PTPRD: variants seen among roughly 807,000 people sequenced by gnomAD.
PTPRD encodes receptor-type tyrosine-protein phosphatase delta.
A neutral mutation model predicts 214.5 loss-of-function variants in PTPRD; 34 were observed. The observed-to-expected ratio is 0.16, with a 90% confidence interval of 0.12 to 0.21. PTPRD has a LOEUF of 0.21. Among genes scored for constraint, PTPRD ranks in the 10% least tolerant of loss-of-function variants. The probability of loss-of-function intolerance (pLI) is 1.00; values close to 1 mark genes in which losing one functional copy is unlikely to be tolerated. For missense variants in PTPRD, 2,545 were observed against 2,398.7 expected, an observed-to-expected ratio of 1.06 and a Z score of -1.27; for synonymous variants, 1,128 against 845.7, an observed-to-expected ratio of 1.33 and a Z score of -5.79.
intron 14 of PTPRD, among the ~76,000 whole-genome samples, chr9:8,568,976 A>G (rs2090279711): frequency 6.6e-6 from 1 of 152,124 alleles, no homozygotes; most frequent in African/African-American, 2.4e-5. Flanking sequence ...ATATAGAAAT[A>G]TGCTTCCCAA....
At chr9:10,524,240 A>G (rs1358838762) in intron 2 of PTPRD, among the ~76,000 whole-genome samples, 1 of 152,084 alleles carries the variant, frequency 6.6e-6, no homozygotes, top group East Asian at 1.9e-4. Context: ...CAAAGAAACT[A>G]GGCACTTGGG....
At position 8,693,667 on chromosome 9, in the gene PTPRD, C is replaced by T. The variant is rs145456862; in HGVS notation, c.64+40113G>A. 1.1e-4 allele frequency among the ~76,000 whole-genome samples: 17 copies of T among 152,276 alleles called. No homozygotes were observed. In the East Asian group the frequency reaches 2.1e-3, roughly 19 times the overall value. ...GCTCTCTGGTTACGAGGAAATGTAG[C>T]GTGTTAATCAAGGTAAGTGAGCTGT... On this transcript the variant is annotated intron_variant, in intron 12 of 45. Coordinates refer to ENST00000381196, the MANE Select transcript of PTPRD (RefSeq NM_002839.4).
intron 8 of PTPRD, among the ~76,000 whole-genome samples, chr9:9,546,966 G>GT (rs964630859): frequency 7.9e-6 from 1 of 126,264 alleles, no homozygotes; most frequent in Non-Finnish European, 1.7e-5. Flanking sequence ...AGTCACTAAT[G>GT]TTAAAAAAAA....
intron 30 of PTPRD, among the ~76,000 whole-genome samples, chr9:8,478,511 C>T (rs2890796): frequency 0.32 from 46,426 of 144,866 alleles, 7,054 homozygotes; most frequent in East Asian, 0.38. Context: ...GTTTTTTCTC[C>T]TAGTATAATC....
intron 11 of PTPRD, among the ~76,000 whole-genome samples, chr9:8,779,745 T>C (rs1050797363): frequency 2.6e-4 from 39 of 152,038 alleles, no homozygotes; most frequent in Admixed American, 2.6e-3. Context: ...TCGTGGGGTT[T>C]TGTGAATGCT....
intron 11 of PTPRD, among the ~76,000 whole-genome samples, chr9:9,005,229 T>C (rs1051482772): frequency 6.6e-6 from 1 of 152,070 alleles, no homozygotes; most frequent in African/African-American, 2.4e-5. Context: ...AGTTCATTGC[T>C]AGGCATTTTG....
At chr9:9,986,715 A>C (rs2095723228) in intron 4 of PTPRD, among the ~76,000 whole-genome samples, 1 of 152,162 alleles carries the variant, frequency 6.6e-6, no homozygotes, top group Non-Finnish European at 1.5e-5. Flanking sequence ...TTACTTTTTA[A>C]AATTTATCAC....
intron 39 of PTPRD, among the ~76,000 whole-genome samples, chr9:8,371,038 A>G (rs1241389537): frequency 1.3e-5 from 2 of 152,122 alleles, no homozygotes; most frequent in Non-Finnish European, 2.9e-5. Flanking sequence ...ATAAGTGCTC[A>G]ACTATCCTGA....
chr9:8,933,916 T>C (rs763113848), intron 11 of PTPRD, among the ~76,000 whole-genome samples: 5 of 152,126 alleles, frequency 3.3e-5, no homozygotes, highest in Non-Finnish European at 7.3e-5. Flanking sequence ...AAGTTCTCCA[T>C]ATAGAACTCC....
chr9:10,303,336 T>C (rs1477049317), intron 3 of PTPRD, among the ~76,000 whole-genome samples: 3 of 151,784 alleles, frequency 2.0e-5, no homozygotes, highest in African/African-American at 7.3e-5. Context: ...TACCCTAACA[T>C]CACAATTAAA....
At chr9:8,916,633 T>G (rs1393480885) in intron 11 of PTPRD, among the ~76,000 whole-genome samples, 1 of 152,178 alleles carries the variant, frequency 6.6e-6, no homozygotes, top group African/African-American at 2.4e-5. Flanking sequence ...ATTATCCTTC[T>G]TTACTAAACC....
chr9:8,784,661 C>T (rs1044019478), intron 11 of PTPRD, among the ~76,000 whole-genome samples: 2 of 151,636 alleles, frequency 1.3e-5, no homozygotes, highest in Admixed American at 6.6e-5. Context: ...GTTTTTAAAG[C>T]GTGAATAAAT....
chr9:9,181,651 A>G (rs540571677), intron 10 of PTPRD, among the ~76,000 whole-genome samples: 219 of 152,152 alleles, frequency 1.4e-3, no homozygotes, highest in African/African-American at 5.1e-3. Context: ...ACAAATTTGC[A>G]CAGTTTACTT....
At chr9:8,769,075 A>G (rs1214578299) in intron 11 of PTPRD, among the ~76,000 whole-genome samples, 1 of 152,226 alleles carries the variant, frequency 6.6e-6, no homozygotes, top group Non-Finnish European at 1.5e-5. Context: ...ACTTTTGTCA[A>G]TGATTTATGA....
intron 3 of PTPRD, among the ~76,000 whole-genome samples, chr9:10,225,933 G>C (rs1306422900): frequency 3.9e-5 from 6 of 151,992 alleles, no homozygotes; most frequent in African/African-American, 7.2e-5. Flanking sequence ...CAACTTTATT[G>C]AGAACTTATT....
intron 12 of PTPRD, among the ~76,000 whole-genome samples, chr9:8,731,627 A>C (rs2098660124): frequency 6.6e-6 from 1 of 152,202 alleles, no homozygotes; most frequent in Admixed American, 6.5e-5. Context: ...ATTGTTTTTA[A>C]ACATTTTTAG....
At chr9:8,597,769 C>T (rs1594882842) in intron 14 of PTPRD, among the ~76,000 whole-genome samples, 2 of 152,106 alleles carry the variant, frequency 1.3e-5, no homozygotes, top group Admixed American at 1.3e-4. Context: ...TGTGGCTTGG[C>T]ATTCATACAG....
chr9:9,733,054 G>A (rs1050075177), intron 7 of PTPRD, among the ~76,000 whole-genome samples: 4 of 152,166 alleles, frequency 2.6e-5, no homozygotes, highest in Admixed American at 2.0e-4. Flanking sequence ...CAAAGGTAAT[G>A]CAAAATTCTA....
At chr9:9,422,315 C>T (rs916302771) in intron 8 of PTPRD, among the ~76,000 whole-genome samples, 2 of 152,118 alleles carry the variant, frequency 1.3e-5, no homozygotes, top group African/African-American at 4.8e-5. Context: ...AGCCATTATA[C>T]TATCATAAAG....
Sources: allele counts gnomAD v4.1 joint callset (sites outside exome capture counted in the v4.1 genomes callset), GRCh38; gene constraint gnomAD v4.1.1; transcripts MANE v1.5; gene names NCBI Gene and HGNC (gene_info 2026-07-23, HGNC 2026-07-21).